The following BLM variants were observed in gnomAD, a reference collection of about 807,000 sequenced individuals.
BLM encodes the protein BLM RecQ like helicase.
BLM carries 95 observed loss-of-function variants against 135.3 expected under a neutral mutation model. The ratio of observed to expected loss-of-function variants is 0.70; its 90% CI spans 0.59 to 0.83. BLM has a LOEUF of 0.83. Ranked by LOEUF, BLM falls within the 40% of genes least tolerant of loss-of-function variation. The pLI, the probability that BLM is intolerant of heterozygous loss-of-function variation, is 0.00. For missense variants in BLM, 1,518 were observed against 1,663.9 expected (o/e 0.91, Z 1.53); for synonymous variants, 520 against 589.2 (o/e 0.88, Z 1.70).
At chr15:90,785,882 G>T (rs956857859) in intron 14 of BLM, among the ~76,000 whole-genome samples, 3 of 151,712 alleles carry the variant, frequency 2.0e-5, no homozygotes, top group African/African-American at 7.3e-5. Flanking sequence ...CATATTTTAG[G>T]ATATATGAGT....
chr15:90,798,235 A>C lies in BLM; in HGVS notation c.3256A>C (p.Arg1086=), dbSNP rs1460643289. 6.2e-7 allele frequency: 1 copy of C among 1,610,818 alleles called. No homozygotes were observed. The highest frequency in any genetic ancestry group is 8.5e-7 in the Non-Finnish European group (1 of 1,177,414). The part of the protein sequence containing the change: ...DVTDDVKSIV[R]FVQEHSSSQG... ...GACTGACGATGTGAAAAGTATTGTA[A>C]GATTTGTTCAAGAACATAGTTCATC... Residue 1086 remains arginine (R), a synonymous_variant, in exon 17 of 22, where the codon AGA becomes CGA. Coordinates refer to ENST00000355112, the MANE Select transcript of BLM (RefSeq NM_000057.4).
At chr15:90,755,059 C>G in intron 5 of BLM, 121 bp downstream of exon 5, 2 of 1,256,418 alleles carry the variant, frequency 1.6e-6, no homozygotes, top group Non-Finnish European at 2.2e-6. Context: ...TTTGTAGTTT[C>G]TTTTCTTCTA....
chr15:90,768,990 T>C, intron 10 of BLM, 143 bp from the exon 11 acceptor site: 1 of 757,674 alleles, frequency 1.3e-6, no homozygotes, highest in Non-Finnish European at 2.4e-6. Flanking sequence ...CTTCCCAAAG[T>C]GCTGGGATTA....
intron 2 of BLM, 158 bp downstream of exon 2, chr15:90,747,648 T>C (rs1676049763): frequency 3.1e-6 from 2 of 636,600 alleles, no homozygotes; most frequent in Non-Finnish European, 5.8e-6. Flanking sequence ...TAGAGTATGT[T>C]TTAGCAGCAC....
intron 15 of BLM, among the ~76,000 whole-genome samples, chr15:90,792,573 G>T (rs1305706885): frequency 6.6e-6 from 1 of 152,164 alleles, no homozygotes; most frequent in Non-Finnish European, 1.5e-5. Flanking sequence ...GAAAGGTTTT[G>T]TAACTTTTCC....
intron 17 of BLM, among the ~76,000 whole-genome samples, chr15:90,799,599 C>A (rs1465226292): frequency 8.2e-6 from 1 of 122,316 alleles, no homozygotes; most frequent in Admixed American, 9.0e-5. Context: ...GATTAAAATG[C>A]TCACTGAATG....
At chr15:90,777,019 T>G (rs1278572267) in intron 12 of BLM, among the ~76,000 whole-genome samples, 3 of 152,188 alleles carry the variant, frequency 2.0e-5, no homozygotes, top group Non-Finnish European at 2.9e-5. Flanking sequence ...GTTTTTGTTT[T>G]GGAGATGGGG....
At chr15:90,747,893 C>T (rs891233608) in intron 2 of BLM, among the ~76,000 whole-genome samples, 2 of 152,056 alleles carry the variant, frequency 1.3e-5, no homozygotes, top group Non-Finnish European at 2.9e-5. Flanking sequence ...CTGCAAGCTC[C>T]GCCTCCTGGG....
At chr15:90,747,982 T>G (rs1895551936) in intron 2 of BLM, among the ~76,000 whole-genome samples, 1 of 151,608 alleles carries the variant, frequency 6.6e-6, no homozygotes, top group Non-Finnish European at 1.5e-5. Context: ...TAATTTTTTT[T>G]TGTATTTTTT....
intron 5 of BLM, among the ~76,000 whole-genome samples, chr15:90,755,881 T>G (rs1355815784): frequency 9.2e-5 from 14 of 152,236 alleles, no homozygotes; most frequent in Non-Finnish European, 1.8e-4. Context: ...GTCTGAGGGC[T>G]GCTGGGCTTT....
rs28385119 is a variant in BLM at position 90,798,076 on chromosome 15, C to T, written c.3211-114C>T. 1,800 of 885,036 alleles carry T rather than the reference C, an allele frequency of 2.0e-3. 26 individuals are homozygous for T. In the African/African-American group the frequency reaches 0.027, roughly 14 times the overall value. The allele number at this position is 885,036 out of a possible 1,614,324, so 54.8% of individuals were successfully genotyped here. Reference sequence around the variant, plus strand: ...TTGAAATTTCCGTAGGTTTTGGTCTCGGTATTGGTCTGGAAATGGGTTATG... The same window carrying T: ...TTGAAATTTCCGTAGGTTTTGGTCTTGGTATTGGTCTGGAAATGGGTTATG... On this transcript the variant is annotated intron_variant, in intron 16 of 21. Transcript: ENST00000355112.
intron 4 of BLM, among the ~76,000 whole-genome samples, chr15:90,754,419 G>A (rs1400247529): frequency 6.6e-6 from 1 of 152,214 alleles, no homozygotes; most frequent in Non-Finnish European, 1.5e-5. Flanking sequence ...TCACTTGCTG[G>A]AGAAGTAATG....
chr15:90,745,106 C>CA (rs1895465994), intron 1 of BLM, among the ~76,000 whole-genome samples: 1 of 151,760 alleles, frequency 6.6e-6, no homozygotes, highest in East Asian at 1.9e-4. Context: ...AAATCTGGTG[C>CA]AAAAAAATGC....
chr15:90,723,354 T>C (rs1215993182), intron 1 of BLM, among the ~76,000 whole-genome samples: 1 of 151,664 alleles, frequency 6.6e-6, no homozygotes, highest in African/African-American at 2.4e-5. Flanking sequence ...CTTTTTTTTT[T>C]TTTTTAATAG....
At chr15:90,722,922 C>A (rs566559642) in intron 1 of BLM, among the ~76,000 whole-genome samples, 1 of 152,066 alleles carries the variant, frequency 6.6e-6, no homozygotes, top group Non-Finnish European at 1.5e-5. Flanking sequence ...CTCACTGCAA[C>A]CTCTGCTTCC....
intron 4 of BLM, 70 bp from the exon 5 acceptor site, chr15:90,754,741 G>A (rs1895771249): frequency 1.1e-5 from 16 of 1,490,322 alleles, no homozygotes; most frequent in Non-Finnish European, 1.5e-5. Context: ...AAATATTAAG[G>A]GTTTCAAAAT....
chr15:90,756,107 CTT>C (rs367589024), intron 5 of BLM, among the ~76,000 whole-genome samples: 9 of 143,098 alleles, frequency 6.3e-5, no homozygotes, highest in Non-Finnish European at 6.2e-5. Flanking sequence ...AGGTAGTTTC[CTT>C]TTTTTTTTTT....
chr15:90,783,410 G>A (rs1226106250), intron 13 of BLM, among the ~76,000 whole-genome samples: 2 of 151,998 alleles, frequency 1.3e-5, no homozygotes, highest in Non-Finnish European at 2.9e-5. Context: ...AAATCAGTCA[G>A]TAGAGATCTA....
chr15:90,755,988 C>T (rs1467923130), intron 5 of BLM, among the ~76,000 whole-genome samples: 1 of 151,968 alleles, frequency 6.6e-6, no homozygotes, highest in Admixed American at 6.6e-5. Flanking sequence ...ATTTTGGACT[C>T]AATTTATTTT....
Sources: gnomAD v4.1 joint callset for allele counts (sites outside exome capture counted in the v4.1 genomes callset) on GRCh38, gnomAD v4.1.1 for gene constraint, MANE v1.5 for transcripts, NCBI Gene and HGNC (gene_info 2026-07-23, HGNC 2026-07-21) for gene names.